Variants in TAFA1 observed in about 807,000 individuals in gnomAD.
The protein encoded by TAFA1 is chemokine-like protein TAFA-1.
A neutral mutation model predicts 18.5 loss-of-function variants in TAFA1; 4 were observed. That is an observed-to-expected ratio of 0.22 (90% confidence interval 0.11 to 0.49). The LOEUF (loss-of-function observed/expected upper bound fraction) is 0.49. Among genes scored for constraint, TAFA1 ranks in the 20% least tolerant of loss-of-function variants. The pLI, the probability that TAFA1 is intolerant of heterozygous loss-of-function variation, is 0.98. For synonymous variants in TAFA1, 56 were observed against 55.2 expected (o/e 1.01, Z -0.06); for missense variants, 147 against 169.0 (o/e 0.87, Z 0.72).
intron 2 of TAFA1, among the ~76,000 whole-genome samples, chr3:68,255,605 C>T (rs1559580697): frequency 6.6e-6 from 1 of 152,058 alleles, no homozygotes; most frequent in Non-Finnish European, 1.5e-5. Context: ...GGGTCAATGG[C>T]CACAGCATAG....
chr3:68,283,538 C>G (rs1188412760), intron 2 of TAFA1, among the ~76,000 whole-genome samples: 2 of 152,164 alleles, frequency 1.3e-5, no homozygotes, highest in South Asian at 2.1e-4. Context: ...TGGCCCTGAG[C>G]ATTTGCAGTG....
At chr3:68,061,453 C>T (rs958833055) in intron 2 of TAFA1, among the ~76,000 whole-genome samples, 8 of 152,092 alleles carry the variant, frequency 5.3e-5, no homozygotes, top group Admixed American at 2.0e-4. Flanking sequence ...TCCATGAGAA[C>T]AGGTTAAAAG....
intron 2 of TAFA1, among the ~76,000 whole-genome samples, chr3:68,139,992 GGAGT>G (rs1352337815): frequency 7.9e-5 from 12 of 152,050 alleles, no homozygotes; most frequent in Non-Finnish European, 1.5e-4. Context: ...ATGAAATACT[GGAGT>G]GAGACTCTAA....
At chr3:68,088,351 A>ACTT (rs2064995290) in intron 2 of TAFA1, among the ~76,000 whole-genome samples, 2 of 152,138 alleles carry the variant, frequency 1.3e-5, no homozygotes, top group South Asian at 2.1e-4. Flanking sequence ...GTTTTGACAC[A>ACTT]TATAGAGGTT....
chr3:68,516,689 A>G (rs1391721829), intron 3 of TAFA1, among the ~76,000 whole-genome samples: 1 of 152,238 alleles, frequency 6.6e-6, no homozygotes, highest in Non-Finnish European at 1.5e-5. Context: ...TTCAGTGCGT[A>G]GGGGTCATAC....
intron 2 of TAFA1, among the ~76,000 whole-genome samples, chr3:68,028,129 G>A (rs571362540): frequency 6.6e-6 from 1 of 151,932 alleles, no homozygotes; most frequent in Non-Finnish European, 1.5e-5. Context: ...GTGAAACCCC[G>A]TCTCTACAAA....
chr3:68,537,785 T>C (rs2073299242), intron 3 of TAFA1, among the ~76,000 whole-genome samples: 1 of 152,240 alleles, frequency 6.6e-6, no homozygotes, highest in Non-Finnish European at 1.5e-5. Flanking sequence ...CTCTTCCATA[T>C]GCATTTGGCA....
At chr3:68,213,323 C>T (rs1351911567) in intron 2 of TAFA1, among the ~76,000 whole-genome samples, 1 of 152,084 alleles carries the variant, frequency 6.6e-6, no homozygotes, top group Admixed American at 6.6e-5. Context: ...AGCTCATAGT[C>T]TCTTCAAGTT....
At chr3:68,145,089 G>T (rs2065721094) in intron 2 of TAFA1, 1 of 1,387,514 alleles carries the variant, frequency 7.2e-7, no homozygotes, top group Admixed American at 1.7e-5. Flanking sequence ...GAGGCCCCTG[G>T]AGGAATTGCT....
At chr3:68,441,636 A>G (rs1176086286) in intron 3 of TAFA1, among the ~76,000 whole-genome samples, 3 of 152,148 alleles carry the variant, frequency 2.0e-5, no homozygotes, top group Non-Finnish European at 4.4e-5. Flanking sequence ...GGGCTCGAGA[A>G]GGTCCTGAAG....
At chr3:68,455,352 T>C (rs950882454) in intron 3 of TAFA1, among the ~76,000 whole-genome samples, 1 of 152,086 alleles carries the variant, frequency 6.6e-6, no homozygotes, top group African/African-American at 2.4e-5. Context: ...ATTTGTCTGA[T>C]GTTTTTGCTT....
chr3:68,252,153 C>T (rs2067208486), intron 2 of TAFA1, among the ~76,000 whole-genome samples: 1 of 152,134 alleles, frequency 6.6e-6, no homozygotes, highest in Non-Finnish European at 1.5e-5. Context: ...GTCAGCAAAT[C>T]TCCCTCTCCA....
At chr3:68,366,418 T>A (rs1373597286) in intron 2 of TAFA1, among the ~76,000 whole-genome samples, 2 of 152,212 alleles carry the variant, frequency 1.3e-5, no homozygotes. Context: ...AAAGCAGCAA[T>A]TCATAGTCTT....
In TAFA1 at chr3:68,385,888, G is replaced by A. The variant is rs193012535; in HGVS notation, c.119-31392G>A. On this transcript the variant is annotated intron_variant, in intron 2 of 4. Coordinates refer to ENST00000478136, the MANE Select transcript of TAFA1 (RefSeq NM_213609.4). ...TGCAGTGAGCAAATCAGGGTAATTA[G>A]CATATCCATCATCTTGAACATTGAT... Among the ~76,000 whole-genome samples, 57 of 152,176 alleles carry A rather than the reference G, an allele frequency of 3.7e-4. No individual in the cohort carries two copies. In the East Asian group the frequency reaches 8.1e-3, roughly 22 times the overall value.
chr3:68,406,112 C>T (rs1345200398), intron 2 of TAFA1, among the ~76,000 whole-genome samples: 2 of 152,036 alleles, frequency 1.3e-5, no homozygotes, highest in Admixed American at 6.6e-5. Flanking sequence ...AGCTAGTAAC[C>T]AAAGTGATGT....
At chr3:68,380,724 G>T (rs1490529779) in intron 2 of TAFA1, among the ~76,000 whole-genome samples, 27 of 149,440 alleles carry the variant, frequency 1.8e-4, no homozygotes, top group African/African-American at 2.7e-4. Context: ...TAGGTTGCCT[G>T]TTCACTCTGA....
At chr3:68,169,097 A>G (rs1353839009) in intron 2 of TAFA1, among the ~76,000 whole-genome samples, 1 of 152,024 alleles carries the variant, frequency 6.6e-6, no homozygotes, top group Non-Finnish European at 1.5e-5. Context: ...CAAACGATTT[A>G]TGTCTCCATA....
At chr3:68,053,763 A>T (rs1478381072) in intron 2 of TAFA1, among the ~76,000 whole-genome samples, 2 of 152,090 alleles carry the variant, frequency 1.3e-5, no homozygotes, top group Non-Finnish European at 2.9e-5. Context: ...AAGTGTAGTG[A>T]TGCAATCATA....
intron 3 of TAFA1, among the ~76,000 whole-genome samples, chr3:68,467,235 A>G (rs923619761): frequency 3.8e-4 from 58 of 152,310 alleles, no homozygotes; most frequent in African/African-American, 1.4e-3. Context: ...AATGCAGTCA[A>G]CACAGGGTCC....
Sources: allele counts gnomAD v4.1 joint callset (sites outside exome capture counted in the v4.1 genomes callset), GRCh38; gene constraint gnomAD v4.1.1; transcripts MANE v1.5; gene names NCBI Gene and HGNC (gene_info 2026-07-23, HGNC 2026-07-21).